MAP3K21: variants seen among roughly 807,000 people sequenced by gnomAD.
The protein encoded by MAP3K21 is mitogen-activated protein kinase kinase kinase 21.
In MAP3K21, 63 loss-of-function variants were observed where a neutral mutation model predicts 86.1. The ratio of observed to expected loss-of-function variants is 0.73; its 90% confidence interval spans 0.60 to 0.90. The LOEUF is 0.90. Ranked by LOEUF, MAP3K21 falls within the 40% of genes least tolerant of loss-of-function variation. The pLI, the probability that MAP3K21 is intolerant of heterozygous loss-of-function variation, is 0.00. For synonymous variants in MAP3K21, 558 were observed against 564.8 expected (o/e 0.99, Z 0.17); for missense variants, 1,220 against 1,367.7 (o/e 0.89, Z 1.70).
At chr1:233,336,538 CAAATAAAT>C (rs35056283) in intron 1 of MAP3K21, among the ~76,000 whole-genome samples, 1 of 147,094 alleles carries the variant, frequency 6.8e-6, no homozygotes, top group Non-Finnish European at 1.5e-5. Flanking sequence ...CAGATGCCGT[CAAATAAAT>C]AAATAAATAA....
At chr1:233,342,612 A>G (rs1663056033) in intron 1 of MAP3K21, among the ~76,000 whole-genome samples, 1 of 152,254 alleles carries the variant, frequency 6.6e-6, no homozygotes, top group East Asian at 1.9e-4. Context: ...GATAACTGAC[A>G]AAATAATGTC....
At chr1:233,363,652 A>G (rs1413354171) in intron 5 of MAP3K21, among the ~76,000 whole-genome samples, 1 of 148,378 alleles carries the variant, frequency 6.7e-6, no homozygotes, top group Non-Finnish European at 1.5e-5. Context: ...CAGTGACCCG[A>G]GATCACACCA....
chr1:233,355,779 T>A (rs1201560517), intron 4 of MAP3K21, among the ~76,000 whole-genome samples: 1 of 152,130 alleles, frequency 6.6e-6, no homozygotes, highest in Non-Finnish European at 1.5e-5. Context: ...AGACCATCAG[T>A]GGCAATTTTC....
intron 1 of MAP3K21, among the ~76,000 whole-genome samples, chr1:233,330,367 C>T (rs1662787617): frequency 6.6e-6 from 1 of 152,176 alleles, no homozygotes; most frequent in Non-Finnish European, 1.5e-5. Flanking sequence ...TATAGCATTG[C>T]TTGCTTTTGA....
At chr1:233,379,803 G>A (rs1053996371) in intron 9 of MAP3K21, 93 bp downstream of exon 9, 4 of 972,894 alleles carry the variant, frequency 4.1e-6, no homozygotes, top group South Asian at 1.6e-5. Flanking sequence ...TTTTCCTGGT[G>A]ATGACATTTA....
intron 1 of MAP3K21, among the ~76,000 whole-genome samples, chr1:233,336,995 C>A (rs34017617): frequency 0.24 from 37,255 of 152,108 alleles, 5,324 homozygotes; most frequent in East Asian, 0.41. Flanking sequence ...GCGTTTGTTC[C>A]TTTCACATTG....
chr1:233,330,361 G>A (rs578131082), intron 1 of MAP3K21, among the ~76,000 whole-genome samples: 74 of 152,306 alleles, frequency 4.9e-4, no homozygotes, highest in African/African-American at 1.6e-3. Context: ...AAGGACTATA[G>A]CATTGCTTGC....
At chr1:233,339,258 C>CTTCTTCTTCTTCTTCTTCTTG (rs1662976053) in intron 1 of MAP3K21, among the ~76,000 whole-genome samples, 2 of 47,294 alleles carry the variant, frequency 4.2e-5, no homozygotes, top group Non-Finnish European at 8.1e-5. Context: ...TCTTCTTCTT[C>CTTCTTCTTCTTCTTCTTCTTG]TTCTTCTTCC....
chr1:233,327,978 C>T lies in MAP3K21; in HGVS notation c.-51C>T. The T allele has an allele frequency of 8.1e-7, 1 of 1,234,696 alleles. No homozygotes were observed. Among genetic ancestry groups the T allele is most frequent in the Non-Finnish European group, 1.0e-6 (1 of 989,988 alleles). The allele number at this position is 1,234,696 out of a possible 1,614,324, so 76.5% of individuals were successfully genotyped here. On this transcript the variant is annotated 5_prime_UTR_variant, in exon 1 of 10. Transcript: ENST00000366624. Reference sequence around the variant, plus strand: ...CGGACGATGCGCGCCCGCGGCCGCCCGGGAGGCTGAGCCCAGCTTCCCGCT... The same window carrying T: ...CGGACGATGCGCGCCCGCGGCCGCCTGGGAGGCTGAGCCCAGCTTCCCGCT...
At chr1:233,354,108 G>T (rs1260251180) in intron 3 of MAP3K21, among the ~76,000 whole-genome samples, 153 bp downstream of exon 3, 2 of 152,280 alleles carry the variant, frequency 1.3e-5, no homozygotes, top group East Asian at 3.9e-4. Context: ...CCTAGTCTTT[G>T]ATCTGGAATG....
intron 2 of MAP3K21, among the ~76,000 whole-genome samples, chr1:233,349,540 A>G (rs553499172): frequency 1.3e-5 from 2 of 152,334 alleles, no homozygotes; most frequent in South Asian, 4.1e-4. Context: ...GAAAGTTGCT[A>G]AAACCAACCA....
At chr1:233,343,004 T>C (rs972611742) in intron 1 of MAP3K21, among the ~76,000 whole-genome samples, 2 of 152,198 alleles carry the variant, frequency 1.3e-5, no homozygotes, top group East Asian at 1.9e-4. Context: ...GGGAAAAAAG[T>C]TGTAACCCAA....
rs1346083617 is a variant in MAP3K21, at chr1:233,339,844, C to T, written c.806-6598C>T. On this transcript the variant is annotated intron_variant, in intron 1 of 9. Coordinates refer to ENST00000366624, the MANE Select transcript of MAP3K21 (RefSeq NM_032435.3). ...CATTTTTAGGAGGGTAGAGGTGAAT[C>T]GATTTTCTGTAATTAGCAGCTGACT... is the stretch of plus-strand genomic sequence containing the variant. 4.9e-5 allele frequency among the ~76,000 whole-genome samples: 6 copies of T among 123,006 alleles called. No homozygotes were observed. In the East Asian group the frequency reaches 1.2e-3, roughly 24 times the overall value. 80.7% of individuals were successfully genotyped at this position (123,006 alleles called of 152,430 possible). A position where few individuals can be genotyped will look rare whatever the true frequency, so the allele number is the denominator to read the frequency against.
intron 5 of MAP3K21, among the ~76,000 whole-genome samples, chr1:233,370,040 G>A (rs182998792): frequency 6.6e-6 from 1 of 152,172 alleles, no homozygotes; most frequent in African/African-American, 2.4e-5. Flanking sequence ...TATTAAAAAT[G>A]CATCTGGCTG....
At chr1:233,375,051 C>T (rs1663764496) in intron 6 of MAP3K21, among the ~76,000 whole-genome samples, 1 of 151,862 alleles carries the variant, frequency 6.6e-6, no homozygotes, top group Admixed American at 6.6e-5. Context: ...AAGCAATTCT[C>T]CTGCCTCAGC....
chr1:233,368,892 C>T (rs1169291765), intron 5 of MAP3K21, among the ~76,000 whole-genome samples: 3 of 149,974 alleles, frequency 2.0e-5, no homozygotes, highest in Non-Finnish European at 4.4e-5. Flanking sequence ...GCAGTCTCTG[C>T]ACTCATGTTT....
chr1:233,342,075 T>G (rs1266146872), intron 1 of MAP3K21, among the ~76,000 whole-genome samples: 1 of 152,244 alleles, frequency 6.6e-6, no homozygotes, highest in Non-Finnish European at 1.5e-5. Flanking sequence ...ATTGGGGATC[T>G]AAATCTCTTT....
chr1:233,372,310 C>T, intron 6 of MAP3K21, 150 bp downstream of exon 6: 1 of 858,030 alleles, frequency 1.2e-6, no homozygotes, highest in Non-Finnish European at 1.7e-6. Flanking sequence ...AGAAACAAAA[C>T]TTGAGCATAG....
Position 233,382,844 on chromosome 1 carries a change from C to T in MAP3K21, c.*133C>T, listed in dbSNP as rs1663945304. On this transcript the variant is annotated 3_prime_UTR_variant, in exon 10 of 10. Coordinates refer to ENST00000366624, the MANE Select transcript of MAP3K21 (RefSeq NM_032435.3). The stretch of plus-strand genomic sequence containing the variant: ...ATGTTCCTAAATTAGTAAGATATAT[C>T]CAGCTTCTCAAAAAATGTATATGAT... 2 of 732,100 alleles carry T rather than the reference C, an allele frequency of 2.7e-6. No individual in the cohort carries two copies. Among genetic ancestry groups the T allele is most frequent in the African/African-American group, 3.5e-5 (2 of 56,382 alleles). 45.4% of individuals were successfully genotyped at this position (732,100 alleles called of 1,614,324 possible).
Sources: gnomAD v4.1 joint callset for allele counts (sites outside exome capture counted in the v4.1 genomes callset) on GRCh38, gnomAD v4.1.1 for gene constraint, MANE v1.5 for transcripts, NCBI Gene and HGNC (gene_info 2026-07-23, HGNC 2026-07-21) for gene names.